ZFYVE16: variants seen among roughly 807,000 people sequenced by gnomAD.
The protein encoded by ZFYVE16 is zinc finger FYVE-type containing 16, also known as zinc finger FYVE domain-containing protein 16.
ZFYVE16 carries 89 observed loss-of-function variants against 138.1 expected under a neutral mutation model. The observed-to-expected ratio is 0.64, with a 90% confidence interval of 0.54 to 0.77. The LOEUF is 0.77. ZFYVE16 is among the 30% of genes least tolerant of loss of function. The pLI is 0.00. For missense variants in ZFYVE16, 1,793 were observed against 1,786.7 expected (o/e 1.00, Z -0.06); for synonymous variants, 596 against 618.3 (o/e 0.96, Z 0.53).
At chr5:80,451,353 CTTCAGACAGTTTATA>C in intron 10 of ZFYVE16, 117 bp from the exon 11 acceptor site, 1 of 660,946 alleles carries the variant, frequency 1.5e-6, no homozygotes. Flanking sequence ...AGTGTCTTAA[CTTCAGACAGTTTATA>C]TTGGGACAGT....
intron 18 of ZFYVE16, 39 bp downstream of exon 18, chr5:80,474,869 T>G: frequency 6.4e-7 from 1 of 1,562,882 alleles, no homozygotes. Context: ...GAAATGAATG[T>G]ATTGCATATT....
rs1463015872 is a variant in ZFYVE16, at chr5:80,465,458, G to A, written c.4024+5964G>A. 2.7e-5 allele frequency among the ~76,000 whole-genome samples: 3 copies of A among 110,696 alleles called. No individual in the cohort carries two copies. In the East Asian group the frequency reaches 9.1e-4, roughly 34 times the overall value. 72.6% of individuals were successfully genotyped at this position (110,696 alleles called of 152,430 possible). A position where few individuals can be genotyped will look rare whatever the true frequency, so the allele number is the denominator to read the frequency against. ...ATTTAGCTTTGTCACCCTGGCTGGA[G>A]TGCAGTGGCATAATCACAGCTCACT... On this transcript the variant is annotated intron_variant, in intron 15 of 18. Transcript: ENST00000505560.
intron 2 of ZFYVE16, among the ~76,000 whole-genome samples, chr5:80,428,676 C>T (rs1190111771): frequency 2.0e-5 from 3 of 152,164 alleles, no homozygotes; most frequent in South Asian, 2.1e-4. Context: ...GCAGGAAGTT[C>T]GAACCCATCG....
chr5:80,470,225 C>T (rs1754232097), intron 15 of ZFYVE16, among the ~76,000 whole-genome samples: 1 of 151,018 alleles, frequency 6.6e-6, no homozygotes, highest in African/African-American at 2.4e-5. Context: ...CCTCAGCCTC[C>T]CGAGTAGCTG....
chr5:80,426,270 GTGTATATA>G (rs746535348), intron 1 of ZFYVE16, among the ~76,000 whole-genome samples: 24,297 of 94,170 alleles, frequency 0.26, 1,966 homozygotes, highest in Non-Finnish European at 0.26. Flanking sequence ...GTGTGTGTGT[GTGTATATA>G]TATATATATA....
chr5:80,459,371 A>C, intron 14 of ZFYVE16, 43 bp from the exon 15 acceptor site: 1 of 1,556,834 alleles, frequency 6.4e-7, no homozygotes, highest in Non-Finnish European at 8.8e-7. Flanking sequence ...GTAACATAAA[A>C]ATGAGCAGTT....
chr5:80,443,289 T>C lies in ZFYVE16; in HGVS notation c.2581+5T>C, dbSNP rs190634123. On this transcript the variant is annotated splice_donor_5th_base_variant and intron_variant, in intron 6 of 18. Coordinates refer to ENST00000505560, the MANE Select transcript of ZFYVE16 (RefSeq NM_001284236.3). ...TTAAACAACCAGGTGTTGAAGGTAA[T>C]AGAAGAAAACTGTGTCTTAGACTAA... 2.3e-4 allele frequency: 374 copies of C among 1,603,732 alleles called. No homozygotes were observed. The highest frequency in any genetic ancestry group is 3.1e-4 in the Non-Finnish European group (361 of 1,177,638).
At position 80,415,289 on chromosome 5, in the gene ZFYVE16, A is replaced by G. The variant is rs529225273; in HGVS notation, c.-94+7136A>G. Among the ~76,000 whole-genome samples the G allele has an allele frequency of 1.5e-3, 225 of 152,360 alleles. 1 individual carries two copies. Among genetic ancestry groups the G allele is most frequent in the Non-Finnish European group, 2.8e-3 (188 of 68,036 alleles). On this transcript the variant is annotated intron_variant, in intron 1 of 18. Transcript: ENST00000505560. ...ACTCCACACCCAGTTTATTATTAAC[A>G]TCTTAGATTAATATGGTACATTTGT...
chr5:80,426,178 T>TAC lies in ZFYVE16; in HGVS notation c.-93-1313_-93-1312insCA, dbSNP rs202018619. 6.7e-3 allele frequency among the ~76,000 whole-genome samples: 1,002 copies of TAC among 149,772 alleles called. 10 individuals are homozygous for TAC. Among genetic ancestry groups the TAC allele is most frequent in the African/African-American group, 0.024 (963 of 40,226 alleles). On this transcript the variant is annotated intron_variant, in intron 1 of 18. Coordinates refer to ENST00000505560, the MANE Select transcript of ZFYVE16 (RefSeq NM_001284236.3). ...GGACAGGGTTCCCCGGATTGAGATA[T>TAC]ATATATATATATGTGTGTGTGTGGT...
At chr5:80,475,864 G>T (rs577214340) in intron 18 of ZFYVE16, among the ~76,000 whole-genome samples, 3 of 152,154 alleles carry the variant, frequency 2.0e-5, no homozygotes, top group African/African-American at 7.2e-5. Context: ...GAGTATATAC[G>T]CAATAGATAT....
Position 80,480,946 on chromosome 5 carries a change from T to C in ZFYVE16, c.*3569T>C, listed in dbSNP as rs1173400342. Among the ~76,000 whole-genome samples the C allele has an allele frequency of 6.6e-6, 1 of 152,080 alleles. No individual in the cohort carries two copies. The highest frequency in any genetic ancestry group is 1.5e-5 in the Non-Finnish European group (1 of 68,000). ...AGACATTTAACAGGAAAACTGGAAA[T>C]GCTAGCTGACAGAGAGAAAAATAGT... On this transcript the variant is annotated 3_prime_UTR_variant, in exon 19 of 19. Transcript: ENST00000505560.
intron 5 of ZFYVE16, chr5:80,440,248 GAGTGGC>G: frequency 2.6e-6 from 3 of 1,170,158 alleles, no homozygotes; most frequent in Non-Finnish European, 3.2e-6. Context: ...TCAGTTTCTG[GAGTGGC>G]AGTTCATTAA....
At position 80,464,020 on chromosome 5, in the gene ZFYVE16, C is replaced by T. The variant is rs941780402; in HGVS notation, c.4024+4526C>T. ...CAGCATTTTGGTCAAAGCCATTCAACAAGTCTCTAGGAAGTTTCAAACTTT... is the reference window on the plus strand; with the variant it reads ...CAGCATTTTGGTCAAAGCCATTCAATAAGTCTCTAGGAAGTTTCAAACTTT... On this transcript the variant is annotated intron_variant, in intron 15 of 18. Transcript: ENST00000505560. Among the ~76,000 whole-genome samples the T allele has an allele frequency of 1.1e-4, 16 of 152,286 alleles. No homozygotes were observed. In the South Asian group the frequency reaches 2.1e-3, roughly 20 times the overall value.
At chr5:80,468,135 C>A (rs1474085563) in intron 15 of ZFYVE16, among the ~76,000 whole-genome samples, 1 of 152,234 alleles carries the variant, frequency 6.6e-6, no homozygotes, top group East Asian at 1.9e-4. Context: ...TTAGGATCAA[C>A]TTGTCAGGTT....
At chr5:80,467,607 TAAC>T (rs1162875736) in intron 15 of ZFYVE16, among the ~76,000 whole-genome samples, 1 of 152,290 alleles carries the variant, frequency 6.6e-6, no homozygotes, top group East Asian at 1.9e-4. Context: ...AAAAGCCACA[TAAC>T]AACAAACAGC....
chr5:80,449,954 A>C (rs1317168562), intron 9 of ZFYVE16, among the ~76,000 whole-genome samples: 1 of 152,132 alleles, frequency 6.6e-6, no homozygotes, highest in African/African-American at 2.4e-5. Flanking sequence ...GGGCTTATAT[A>C]ACTGAGCTGT....
At chr5:80,475,844 T>C (rs1754854596) in intron 18 of ZFYVE16, among the ~76,000 whole-genome samples, 1 of 152,208 alleles carries the variant, frequency 6.6e-6, no homozygotes, top group Admixed American at 6.5e-5. Context: ...TGAGTAGAAT[T>C]GCCAGGCCTG....
chr5:80,477,432 G>A lies in ZFYVE16; in HGVS notation c.*55G>A, dbSNP rs1755027861. The A allele has an allele frequency of 1.3e-6, 2 of 1,509,356 alleles. No individual in the cohort carries two copies. The highest frequency in any genetic ancestry group is 4.3e-5 in the Admixed American group (2 of 46,444). The allele number at this position is 1,509,356 out of a possible 1,614,324, so 93.5% of individuals were successfully genotyped here. ...ACCTAATTTGTTAAAACTAACTCCA[G>A]CACTAAAGCTGAAATGCCACAAACA... On this transcript the variant is annotated 3_prime_UTR_variant, in exon 19 of 19. Coordinates refer to ENST00000505560, the MANE Select transcript of ZFYVE16 (RefSeq NM_001284236.3).
intron 1 of ZFYVE16, among the ~76,000 whole-genome samples, chr5:80,412,691 A>T (rs2112139045): frequency 6.6e-6 from 1 of 152,326 alleles, no homozygotes; most frequent in East Asian, 1.9e-4. Flanking sequence ...TTTCTAAAAA[A>T]TTCTCTGGCT....
Sources: allele counts gnomAD v4.1 joint callset (sites outside exome capture counted in the v4.1 genomes callset), GRCh38; gene constraint gnomAD v4.1.1; transcripts MANE v1.5; gene names NCBI Gene and HGNC (gene_info 2026-07-23, HGNC 2026-07-21).